RASGEF1A: variants seen among roughly 807,000 people sequenced by gnomAD.
RASGEF1A encodes the protein ras-GEF domain-containing family member 1A.
A neutral mutation model predicts 56.4 loss-of-function variants in RASGEF1A; 18 were observed. That is an observed-to-expected ratio of 0.32 (90% CI 0.22 to 0.47). The LOEUF (loss-of-function observed/expected upper bound fraction) is 0.47, where lower values mean the gene tolerates loss of function less well. Ranked by LOEUF, RASGEF1A falls within the 20% of genes least tolerant of loss-of-function variation. The probability of loss-of-function intolerance (pLI) is 1.00; values close to 1 mark genes in which losing one functional copy is unlikely to be tolerated. For synonymous variants in RASGEF1A, 245 were observed against 242.6 expected (o/e 1.01, Z -0.09); for missense variants, 422 against 627.1 (o/e 0.67, Z 3.49).
chr10:43,265,700 A>G (rs1418926822), intron 1 of RASGEF1A, among the ~76,000 whole-genome samples: 1 of 152,238 alleles, frequency 6.6e-6, no homozygotes, highest in East Asian at 1.9e-4. Context: ...AGAAGCCTGC[A>G]GCCTGCCCGT....
rs371951317 is a variant in RASGEF1A, at chr10:43,196,728, G to C, written c.1349-180C>G. ...GTTGGGGACTCTAGGAAGGTTCCTC[G>C]TGTTGCAGCACCTGACCTAAGCCCA... On this transcript the variant is annotated intron_variant, in intron 11 of 12. Coordinates refer to ENST00000395810, the MANE Select transcript of RASGEF1A (RefSeq NM_145313.4). This position sits in a 1 kb window ranked among gnomAD's most constrained non-coding sequence, Gnocchi z 4.6. Among the ~76,000 whole-genome samples, 1 of 152,176 alleles carries C rather than the reference G, an allele frequency of 6.6e-6. No individual in the cohort carries two copies. The highest frequency in any genetic ancestry group is 6.5e-5 in the Admixed American group (1 of 15,286).
chr10:43,229,520 C>G, intron 1 of RASGEF1A: 1 of 826,484 alleles, frequency 1.2e-6, no homozygotes. Flanking sequence ...CGCGGGTCCT[C>G]AGGGCGGGCA....
chr10:43,200,423 C>T (rs769918840), intron 5 of RASGEF1A, among the ~76,000 whole-genome samples, 167 bp from the exon 6 acceptor site: 21 of 152,224 alleles, frequency 1.4e-4, no homozygotes, highest in Admixed American at 7.2e-4. Flanking sequence ...CACTGCAGGA[C>T]GACACTGCTC....
At chr10:43,243,865 G>A (rs1316677901) in intron 1 of RASGEF1A, among the ~76,000 whole-genome samples, 1 of 152,234 alleles carries the variant, frequency 6.6e-6, no homozygotes, top group Non-Finnish European at 1.5e-5. Flanking sequence ...CCCCGTCTGG[G>A]AAGTGTACCC....
At chr10:43,224,279 A>C (rs184079032) in intron 1 of RASGEF1A, among the ~76,000 whole-genome samples, 50 of 150,308 alleles carry the variant, frequency 3.3e-4, no homozygotes, top group Non-Finnish European at 6.2e-4. Context: ...AGCATGATTT[A>C]TAAATGTGAC....
intron 1 of RASGEF1A, among the ~76,000 whole-genome samples, chr10:43,256,060 G>A (rs1245907555): frequency 3.3e-5 from 5 of 152,188 alleles, no homozygotes; most frequent in Non-Finnish European, 7.4e-5. Flanking sequence ...TTAGACAGAG[G>A]CCATCCCCAG....
chr10:43,244,836 T>C (rs190878456), intron 1 of RASGEF1A, among the ~76,000 whole-genome samples: 1 of 152,018 alleles, frequency 6.6e-6, no homozygotes. Context: ...AATATATATA[T>C]AAAACTATAA....
intron 1 of RASGEF1A, among the ~76,000 whole-genome samples, chr10:43,217,409 C>T (rs936566434): frequency 6.6e-6 from 1 of 152,238 alleles, no homozygotes; most frequent in African/African-American, 2.4e-5. Flanking sequence ...GCTGCAGTCC[C>T]AGGCGCTGGA....
chr10:43,260,298 G>GCTGCTCC (rs139741180), intron 1 of RASGEF1A, among the ~76,000 whole-genome samples: 52,042 of 151,662 alleles, frequency 0.34, 9,162 homozygotes, highest in Non-Finnish European at 0.38. Context: ...CCCCACACCT[G>GCTGCTCC]CTGCTCCTTC....
At chr10:43,216,647 C>T (rs7096500) in intron 1 of RASGEF1A, among the ~76,000 whole-genome samples, 25,149 of 152,154 alleles carry the variant, frequency 0.17, 2,688 homozygotes, top group East Asian at 0.51. Context: ...CAGAGAAGGC[C>T]GTTGGGATGT....
chr10:43,197,859 CTA>C, intron 10 of RASGEF1A, 143 bp downstream of exon 10: 1 of 663,200 alleles, frequency 1.5e-6, no homozygotes, highest in Non-Finnish European at 2.6e-6. Flanking sequence ...CCGTGACCCA[CTA>C]TGAGGCTTTC....
chr10:43,260,628 G>A (rs534541630), intron 1 of RASGEF1A, among the ~76,000 whole-genome samples: 27 of 152,176 alleles, frequency 1.8e-4, no homozygotes, highest in African/African-American at 4.3e-4. Context: ...GCAGACTCCC[G>A]TGCCCATAGG....
chr10:43,267,012 C>G lies in RASGEF1A; in HGVS notation c.-174G>C, dbSNP rs1335866723. On this transcript the variant is annotated 5_prime_UTR_variant, in exon 1 of 13. Coordinates refer to ENST00000395810, the MANE Select transcript of RASGEF1A (RefSeq NM_145313.4). ...CCAGCTGCGGGCAGAGCAGCTCCCT[C>G]CGCAGCCGGCGCCGGGGAGCGCGAG... The G allele has an allele frequency of 6.7e-6, 1 of 148,472 alleles. No homozygotes were observed. Among genetic ancestry groups the G allele is most frequent in the African/African-American group, 2.4e-5 (1 of 41,032 alleles). The allele number at this position is 148,472 out of a possible 1,614,324, so 9.2% of individuals were successfully genotyped here.
At chr10:43,206,150 C>T in intron 1 of RASGEF1A, 28 bp from the exon 2 acceptor site, 2 of 1,537,366 alleles carry the variant, frequency 1.3e-6, no homozygotes, top group Non-Finnish European at 1.8e-6. Context: ...GGACATGAGG[C>T]ATCAAAGGCG....
chr10:43,229,345 G>C (rs983071173), intron 1 of RASGEF1A, among the ~76,000 whole-genome samples: 41 of 152,198 alleles, frequency 2.7e-4, no homozygotes, highest in African/African-American at 9.9e-4. Flanking sequence ...CCCTCAAGTC[G>C]TCCGGGCTCC....
At chr10:43,203,744 G>T in intron 2 of RASGEF1A, 1 of 1,085,712 alleles carries the variant, frequency 9.2e-7, no homozygotes, top group South Asian at 2.7e-5. Context: ...CGTTGGTAGG[G>T]CTCCATGGTG....
In RASGEF1A at chr10:43,218,044, G is replaced by A. The variant is rs553485639; in HGVS notation, c.-6-11922C>T. ...GTGGGCCCCACCCCAGCTGGGAGCC[G>A]GCACCCTCCTCTGTGAGATGCCACC... On this transcript the variant is annotated intron_variant, in intron 1 of 12. Coordinates refer to ENST00000395810, the MANE Select transcript of RASGEF1A (RefSeq NM_145313.4). Among the ~76,000 whole-genome samples, 11 of 152,014 alleles carry A rather than the reference G, an allele frequency of 7.2e-5. No individual in the cohort carries two copies. In the South Asian group the frequency reaches 1.5e-3, roughly 20 times the overall value.
Position 43,201,865 on chromosome 10 carries a change from A to G in RASGEF1A, c.402T>C (p.Asp134=), listed in dbSNP as rs1422239603. ...CTTTCAGCTCGGCCATGGCCTTCTC[A>G]TCCTGGAAGTCATAGGGGAAGGCCT... ...WTEAFPYDFQ[D]EKAMAELKAI... The change falls in exon 4 of 13, where the codon GAT becomes GAC. Residue 134 remains aspartate, a synonymous_variant. Coordinates refer to ENST00000395810, the MANE Select transcript of RASGEF1A (RefSeq NM_145313.4). 1.6e-5 allele frequency: 25 copies of G among 1,611,734 alleles called. No homozygotes were observed. The highest frequency in any genetic ancestry group is 2.0e-5 in the Non-Finnish European group (24 of 1,178,762).
At chr10:43,262,589 C>T (rs556200925) in intron 1 of RASGEF1A, among the ~76,000 whole-genome samples, 1 of 152,370 alleles carries the variant, frequency 6.6e-6, no homozygotes, top group East Asian at 1.9e-4. Flanking sequence ...CTGAATCTGC[C>T]AGCATAGCCA....
Sources: gnomAD v4.1 joint callset for allele counts (sites outside exome capture counted in the v4.1 genomes callset) on GRCh38, gnomAD v4.1.1 for gene constraint, Gnocchi (gnomAD v3.1) non-coding constraint, MANE v1.5 for transcripts, NCBI Gene and HGNC (gene_info 2026-07-23, HGNC 2026-07-21) for gene names.